Variants in HEATR5A observed in about 807,000 individuals in gnomAD.
HEATR5A encodes the protein HEAT repeat containing 5A.
HEATR5A carries 178 observed loss-of-function variants against 218.8 expected under a neutral mutation model. The observed-to-expected ratio is 0.81, with a 90% CI of 0.72 to 0.92. The LOEUF (loss-of-function observed/expected upper bound fraction) is 0.92, where lower values mean the gene tolerates loss of function less well. Among genes scored for constraint, HEATR5A ranks in the 40% least tolerant of loss-of-function variants. The pLI is 0.00. For synonymous variants in HEATR5A, 864 were observed against 871.6 expected, an observed-to-expected ratio of 0.99 and a Z score of 0.15; for missense variants, 2,420 against 2,418.9, an observed-to-expected ratio of 1.00 and a Z score of -0.01.
chr14:31,417,649 C>T (rs1444686732), intron 1 of HEATR5A, among the ~76,000 whole-genome samples: 1 of 151,714 alleles, frequency 6.6e-6, no homozygotes, highest in Non-Finnish European at 1.5e-5. Context: ...ACTCCGGAGG[C>T]TGAGGCAGGA....
intron 16 of HEATR5A, among the ~76,000 whole-genome samples, chr14:31,351,908 C>G (rs1356020360): frequency 2.6e-5 from 4 of 151,996 alleles, no homozygotes; most frequent in African/African-American, 7.3e-5. Context: ...AACCACTGTG[C>G]CTGGTCATTT....
Position 31,307,916 on chromosome 14 carries a change from T to C in HEATR5A, c.4795A>G (p.Arg1599Gly). ...LQALLDVPWP[R>G]SKIGSDQDLG... ...ACCTGATCACTGCCAATTTTTGATC[T>C]GGGCCAAGGTACATCTAGAAGTGCT... is the stretch of plus-strand genomic sequence containing the variant. The change falls in exon 30 of 36, where the codon AGA becomes GGA. Residue 1599 changes from arginine to glycine, a missense_variant. Physicochemically the swap from Arg to Gly is moderately radical, Grantham distance 125. Coordinates refer to ENST00000543095, the MANE Select transcript of HEATR5A (RefSeq NM_015473.4). 1 of 1,612,126 alleles carries C rather than the reference T, an allele frequency of 6.2e-7. No individual in the cohort carries two copies. The highest frequency in any genetic ancestry group is 8.5e-7 in the Non-Finnish European group (1 of 1,179,322).
chr14:31,317,544 C>T (rs560602246), intron 26 of HEATR5A, among the ~76,000 whole-genome samples: 1 of 152,214 alleles, frequency 6.6e-6, no homozygotes, highest in South Asian at 2.1e-4. Flanking sequence ...GATCCACCTG[C>T]CTTGGCCTCC....
intron 28 of HEATR5A, 52 bp downstream of exon 28, chr14:31,312,916 G>GAAAAGA: frequency 7.1e-7 from 1 of 1,408,492 alleles, no homozygotes; most frequent in Middle Eastern, 1.8e-4. Context: ...AAAAAGAAAA[G>GAAAAGA]AAAATGTGTT....
intron 1 of HEATR5A, among the ~76,000 whole-genome samples, chr14:31,408,191 A>G (rs1251068696): frequency 1.3e-5 from 2 of 152,194 alleles, no homozygotes; most frequent in Non-Finnish European, 2.9e-5. Context: ...TGCAAACTAG[A>G]CCTAAGGTAC....
At chr14:31,307,098 G>A (rs956334199) in intron 30 of HEATR5A, among the ~76,000 whole-genome samples, 2 of 152,206 alleles carry the variant, frequency 1.3e-5, no homozygotes, top group African/African-American at 4.8e-5. Context: ...GCTGAGGTGA[G>A]TGGATTACTT....
chr14:31,317,273 G>C (rs959486394), intron 26 of HEATR5A, among the ~76,000 whole-genome samples: 1 of 139,170 alleles, frequency 7.2e-6, no homozygotes, highest in Non-Finnish European at 1.6e-5. Flanking sequence ...CTTTTAATTA[G>C]TTCAGGTCAT....
intron 22 of HEATR5A, among the ~76,000 whole-genome samples, chr14:31,333,902 G>C (rs1900560775): frequency 6.6e-6 from 1 of 151,698 alleles, no homozygotes; most frequent in Non-Finnish European, 1.5e-5. Flanking sequence ...AGCTGGGTGT[G>C]GTGACATTCA....
At chr14:31,335,685 G>A (rs747278171) in intron 22 of HEATR5A, among the ~76,000 whole-genome samples, 4 of 151,928 alleles carry the variant, frequency 2.6e-5, no homozygotes, top group Non-Finnish European at 2.9e-5. Context: ...ACAGATTCTC[G>A]CTCTGGTGCC....
chr14:31,390,170 G>T (rs4981094), intron 6 of HEATR5A, among the ~76,000 whole-genome samples: 148,406 of 152,198 alleles, frequency 0.98, 72,444 homozygotes, highest in Middle Eastern at 1. Flanking sequence ...CAGAGCAATG[G>T]GGATGGAGCA....
At chr14:31,363,223 A>C (rs1026620425) in intron 14 of HEATR5A, among the ~76,000 whole-genome samples, 1 of 151,400 alleles carries the variant, frequency 6.6e-6, no homozygotes, top group African/African-American at 2.4e-5. Context: ...TGGGGGACAG[A>C]GCAAGACTCT....
chr14:31,308,489 A>G (rs952152514), intron 29 of HEATR5A, among the ~76,000 whole-genome samples: 7 of 148,650 alleles, frequency 4.7e-5, no homozygotes, highest in Admixed American at 1.4e-4. Context: ...CCTGGGCAAC[A>G]AGAGCAAAAC....
rs1228207622 is a variant in HEATR5A, at chr14:31,389,006, C to T, written c.773-1G>A. On this transcript the variant is annotated splice_acceptor_variant, in intron 6 of 35. Transcript: ENST00000543095. LOFTEE classifies it high-confidence loss of function. ...CTGCGAATGCTTTGACGTGAGGCTG[C>T]TATGACAAAGAACAAAACTGTGATT... The T allele has an allele frequency of 6.2e-7, 1 of 1,602,348 alleles. No homozygotes were observed. The highest frequency in any genetic ancestry group is 8.5e-7 in the Non-Finnish European group (1 of 1,173,764).
At chr14:31,409,832 G>A (rs886797718) in intron 1 of HEATR5A, among the ~76,000 whole-genome samples, 1 of 152,138 alleles carries the variant, frequency 6.6e-6, no homozygotes, top group Admixed American at 6.5e-5. Context: ...TGATTATTCT[G>A]GTCCTGATAG....
intron 1 of HEATR5A, among the ~76,000 whole-genome samples, chr14:31,404,487 TTATAA>T (rs201002975): frequency 0.01 from 1,597 of 152,302 alleles, 23 homozygotes; most frequent in African/African-American, 0.036. Context: ...CTCATCATAA[TTATAA>T]TATAACTGAA....
Position 31,363,188 on chromosome 14 carries a change from G to A in HEATR5A, c.2071+1001C>T, listed in dbSNP as rs185173910. On this transcript the variant is annotated intron_variant, in intron 14 of 35. Transcript: ENST00000543095. ...CAGGAGGCAGAGGTTTCAGTGAGCC[G>A]AGATCATGCCACTGCACTCCAGCCT... Among the ~76,000 whole-genome samples, 16 of 150,072 alleles carry A rather than the reference G, an allele frequency of 1.1e-4. No individual in the cohort carries two copies. The East Asian group carries it at 2.4e-3, about 22-fold the overall frequency.
Position 31,374,827 on chromosome 14 carries a change from C to T in HEATR5A, c.1850G>A (p.Gly617Asp), listed in dbSNP as rs1595150982. 1 of 1,613,080 alleles carries T rather than the reference C, an allele frequency of 6.2e-7. No individual in the cohort carries two copies. The highest frequency in any genetic ancestry group is 8.5e-7 in the Non-Finnish European group (1 of 1,179,496). ...TWQVTLEGRA[G>D]ALCAIKSFVS... Reference sequence around the variant, plus strand: ...TAAATCCAACCTACCACACAGTGCACCAGCTCGTCCTTCCAGGGTCACCTG... The same window carrying T: ...TAAATCCAACCTACCACACAGTGCATCAGCTCGTCCTTCCAGGGTCACCTG... Residue 617 changes from glycine to aspartate, a missense_variant, in exon 12 of 36, where the codon GGT becomes GAT. By Grantham distance (94) the Gly-to-Asp change is moderately conservative. Coordinates refer to ENST00000543095, the MANE Select transcript of HEATR5A (RefSeq NM_015473.4).
Position 31,305,017 on chromosome 14 carries a change from A to G in HEATR5A, c.5127T>C (p.Gly1709=). The part of the protein sequence containing the change: ...QLPELNPKLT[G]SPGVKATKPQ... ...GCTTCGTAGCTTTTACTCCTGGGCT[A>G]CCTGTCAATTTAGGGTTTAATTCTG... The change falls in exon 32 of 36, where the codon GGT becomes GGC. Residue 1709 remains glycine (G), a synonymous_variant. Transcript: ENST00000543095. The G allele has an allele frequency of 6.2e-7, 1 of 1,613,916 alleles. No individual in the cohort carries two copies. The highest frequency in any genetic ancestry group is 8.5e-7 in the Non-Finnish European group (1 of 1,179,868).
chr14:31,412,788 C>T (rs1210498513), intron 1 of HEATR5A, among the ~76,000 whole-genome samples: 1 of 151,972 alleles, frequency 6.6e-6, no homozygotes, highest in Non-Finnish European at 1.5e-5. Flanking sequence ...GCAGGAGAAT[C>T]GCTTGAACCT....
Sources: gnomAD v4.1 joint callset for allele counts (sites outside exome capture counted in the v4.1 genomes callset) on GRCh38, gnomAD v4.1.1 for gene constraint, MANE v1.5 for transcripts, NCBI Gene and HGNC (gene_info 2026-07-23, HGNC 2026-07-21) for gene names.